The following SLC7A6 variants were observed in gnomAD, a reference collection of about 807,000 sequenced individuals.
SLC7A6 encodes the protein solute carrier family 7 member 6.
A neutral mutation model predicts 46.6 loss-of-function variants in SLC7A6; 29 were observed. The ratio of observed to expected loss-of-function variants is 0.62; its 90% CI spans 0.46 to 0.85. The LOEUF (loss-of-function observed/expected upper bound fraction) is 0.85, where lower values mean the gene tolerates loss of function less well. Among genes scored for constraint, SLC7A6 ranks in the 40% least tolerant of loss-of-function variants. The pLI is 0.00. For synonymous variants in SLC7A6, 276 were observed against 257.3 expected, an observed-to-expected ratio of 1.07 and a Z score of -0.70; for missense variants, 527 against 647.6, an observed-to-expected ratio of 0.81 and a Z score of 2.02.
intron 9 of SLC7A6, 37 bp from the exon 10 acceptor site, chr16:68,296,590 T>G (rs2151234234): frequency 6.2e-7 from 1 of 1,613,690 alleles, no homozygotes; most frequent in Middle Eastern, 1.6e-4. Flanking sequence ...TGTTTCCTCT[T>G]CCCACGTTAC....
rs2043243975 is a variant in SLC7A6, at chr16:68,300,107, G to A, written c.*2779G>A. 6.6e-6 allele frequency: 1 copy of A among 152,238 alleles called. No individual in the cohort carries two copies. The highest frequency in any genetic ancestry group is 1.5e-5 in the Non-Finnish European group (1 of 68,042). 9.4% of individuals were successfully genotyped at this position (152,238 alleles called of 1,614,324 possible). On this transcript the variant is annotated 3_prime_UTR_variant, in exon 11 of 11. Coordinates refer to ENST00000219343, the MANE Select transcript of SLC7A6 (RefSeq NM_003983.6). ...GTACACCCCTAGCTGAATGTTCTGT[G>A]TTGTTTCCTTAGACCTGTGGTGTCC...
rs190478975 is a variant in SLC7A6 at position 68,294,391 on chromosome 16, G to A, written c.1023-314G>A. 2.1e-4 allele frequency among the ~76,000 whole-genome samples: 32 copies of A among 152,324 alleles called. No homozygotes were observed. The East Asian group carries it at 4.2e-3, about 20-fold the overall frequency. On this transcript the variant is annotated intron_variant, in intron 7 of 10. Transcript: ENST00000219343. ...ATGGATTGGGTGAGTCTGTTAGTGG[G>A]TGACAGCAGGGTGAGGCATCTGTTG...
intron 3 of SLC7A6, 145 bp from the exon 4 acceptor site, chr16:68,287,601 G>A (rs1037763067): frequency 2.7e-5 from 41 of 1,501,824 alleles, no homozygotes; most frequent in East Asian, 2.1e-4. Context: ...GTGTCCCCTC[G>A]CTTGCCAGTT....
intron 1 of SLC7A6, among the ~76,000 whole-genome samples, chr16:68,266,139 A>T (rs2042529158): frequency 6.6e-6 from 1 of 152,154 alleles, no homozygotes; most frequent in African/African-American, 2.4e-5. Flanking sequence ...GGGCACCTGT[A>T]GTCCCACCTA....
At chr16:68,280,906 T>C (rs1014609711) in intron 3 of SLC7A6, among the ~76,000 whole-genome samples, 1 of 152,182 alleles carries the variant, frequency 6.6e-6, no homozygotes, top group Non-Finnish European at 1.5e-5. Context: ...GCTAATTTTT[T>C]GTATTTTTAG....
chr16:68,296,819 C>T lies in SLC7A6; in HGVS notation c.1453+9C>T, dbSNP rs199925682. ...TATTCGGAATGTCCTGGGTGAGCTTCTCTGTGCCCCATTACTCACTGGCGG... is the reference window on the plus strand; with the variant it reads ...TATTCGGAATGTCCTGGGTGAGCTTTTCTGTGCCCCATTACTCACTGGCGG... On this transcript the variant is annotated intron_variant, in intron 10 of 10. Transcript: ENST00000219343. 5.6e-6 allele frequency: 9 copies of T among 1,613,824 alleles called. No homozygotes were observed. In the East Asian group the frequency reaches 8.9e-5, roughly 16 times the overall value.
intron 3 of SLC7A6, among the ~76,000 whole-genome samples, chr16:68,280,585 T>C (rs1171659728): frequency 1.1e-5 from 1 of 88,874 alleles, no homozygotes; most frequent in Non-Finnish European, 2.4e-5. Context: ...CGTAGCTTCT[T>C]TAAAAAAAAA....
At chr16:68,277,630 A>G (rs1045825868) in intron 3 of SLC7A6, among the ~76,000 whole-genome samples, 3 of 150,936 alleles carry the variant, frequency 2.0e-5, no homozygotes, top group Non-Finnish European at 4.4e-5. Context: ...TTTTTAATTA[A>G]AAAAAATTTT....
chr16:68,275,381 A>T (rs1332210422), intron 3 of SLC7A6, 132 bp downstream of exon 3: 1 of 1,136,984 alleles, frequency 8.8e-7, no homozygotes, highest in Non-Finnish European at 1.2e-6. Flanking sequence ...GGATCACCTG[A>T]GGTTGGGAGT....
rs141936094 is a variant in SLC7A6, at chr16:68,297,474, T to C, written c.*146T>C. 6.3e-4 allele frequency: 394 copies of C among 623,298 alleles called. 6 individuals are homozygous for C. The East Asian group carries it at 8.9e-3, about 14-fold the overall frequency. The allele number at this position is 623,298 out of a possible 1,614,324, so 38.6% of individuals were successfully genotyped here. A position where few individuals can be genotyped will look rare whatever the true frequency, so the allele number is the denominator to read the frequency against. The stretch of plus-strand genomic sequence containing the variant: ...GGCTCAGGGCCAGTGCTCACTCTTA[T>C]TGGTAAGCTATAGGAGACTCAGGAT... On this transcript the variant is annotated 3_prime_UTR_variant, in exon 11 of 11. Coordinates refer to ENST00000219343, the MANE Select transcript of SLC7A6 (RefSeq NM_003983.6).
intron 5 of SLC7A6, chr16:68,290,743 C>T (rs573457755): frequency 3.7e-5 from 23 of 625,358 alleles, no homozygotes; most frequent in South Asian, 1.7e-4. Context: ...TCCTCACGTT[C>T]GCACTGGAGG....
At chr16:68,273,364 T>G (rs2042654113) in intron 2 of SLC7A6, among the ~76,000 whole-genome samples, 1 of 152,136 alleles carries the variant, frequency 6.6e-6, no homozygotes, top group Non-Finnish European at 1.5e-5. Flanking sequence ...CTCTGTGACC[T>G]TAAAGGACTA....
rs1201387167 is a variant in SLC7A6 at position 68,264,704 on chromosome 16, G to C, written c.-166+128G>C. 6.6e-6 allele frequency: 1 copy of C among 152,276 alleles called. No individual in the cohort carries two copies. Among genetic ancestry groups the C allele is most frequent in the Non-Finnish European group, 1.5e-5 (1 of 68,076 alleles). The allele number at this position is 152,276 out of a possible 1,614,324, so 9.4% of individuals were successfully genotyped here. On this transcript the variant is annotated intron_variant, in intron 1 of 10. Coordinates refer to ENST00000219343, the MANE Select transcript of SLC7A6 (RefSeq NM_003983.6). The surrounding 1 kb of genome is among the most constrained non-coding windows in gnomAD (Gnocchi z 5.8). ...GCGGGATGCGGCCCAGAAACAGCGC[G>C]GGGCTGGCCGATCGGGGCCGCGCGA...
At chr16:68,286,091 C>CAAAA (rs1165671231) in intron 3 of SLC7A6, among the ~76,000 whole-genome samples, 196 of 43,894 alleles carry the variant, frequency 4.5e-3, no homozygotes, top group African/African-American at 0.016. Flanking sequence ...GACCCTGTCT[C>CAAAA]AAAAAAAAAA....
At chr16:68,291,080 T>C (rs1428430456) in intron 5 of SLC7A6, 129 bp from the exon 6 acceptor site, 2 of 1,178,268 alleles carry the variant, frequency 1.7e-6, no homozygotes, top group Admixed American at 4.0e-5. Context: ...AAGGGGAAGG[T>C]GAGCCTCCCT....
intron 3 of SLC7A6, among the ~76,000 whole-genome samples, chr16:68,281,386 CTA>C (rs2042826457): frequency 6.6e-6 from 1 of 152,166 alleles, no homozygotes; most frequent in African/African-American, 2.4e-5. Context: ...CTTTTTGCTT[CTA>C]ATGGTAGAGG....
chr16:68,294,875 A>G lies in SLC7A6; in HGVS notation c.1119+74A>G, dbSNP rs1597009289. 4 of 1,014,392 alleles carry G rather than the reference A, an allele frequency of 3.9e-6. No individual in the cohort carries two copies. The South Asian group carries it at 5.3e-5, about 14-fold the overall frequency. 62.8% of individuals were successfully genotyped at this position (1,014,392 alleles called of 1,614,324 possible). A position where few individuals can be genotyped will look rare whatever the true frequency, so the allele number is the denominator to read the frequency against. On this transcript the variant is annotated intron_variant, in intron 8 of 10. Coordinates refer to ENST00000219343, the MANE Select transcript of SLC7A6 (RefSeq NM_003983.6). ...CTTCTGATTTGTGCTAAGTTGTTAAATAAGAGGGACCCTGAGAAAGGCCTT... is the reference window on the plus strand; with the variant it reads ...CTTCTGATTTGTGCTAAGTTGTTAAGTAAGAGGGACCCTGAGAAAGGCCTT...
At position 68,296,432 on chromosome 16, in the gene SLC7A6, C is replaced by T. The variant is rs1185443532; in HGVS notation, c.1188C>T (p.Ser396=). The T allele has an allele frequency of 6.2e-7, 1 of 1,614,144 alleles. No individual in the cohort carries two copies. The change falls in exon 9 of 11, where the codon AGC becomes AGT. Residue 396 remains serine, a synonymous_variant. Transcript: ENST00000219343. ...AGCTTATCAACTACTTCAGCTTCAG[C>T]TACTGGTTCTTCGTGGGCCTGTCTG... ...VFQLINYFSF[S]YWFFVGLSVV... is the part of the protein sequence containing the mutation.
intron 3 of SLC7A6, chr16:68,287,293 A>G (rs778080817): frequency 3.0e-5 from 39 of 1,285,228 alleles, no homozygotes; most frequent in Non-Finnish European, 3.9e-5. Flanking sequence ...TTTACACTTA[A>G]TGCAAAACAC....
Sources: gnomAD v4.1 joint callset for allele counts (sites outside exome capture counted in the v4.1 genomes callset) on GRCh38, gnomAD v4.1.1 for gene constraint, Gnocchi (gnomAD v3.1) non-coding constraint, MANE v1.5 for transcripts, NCBI Gene and HGNC (gene_info 2026-07-23, HGNC 2026-07-21) for gene names.